Variants in ITPK1 observed in about 807,000 individuals in gnomAD.
ITPK1 encodes inositol 1,3,4-trisphosphate 5/6-kinase.
Under a neutral mutation model 45.3 loss-of-function variants are expected in ITPK1, and 21 were observed. That is an observed-to-expected ratio of 0.46 (90% confidence interval 0.33 to 0.67). The LOEUF is 0.67. ITPK1 is among the 30% of genes least tolerant of loss of function. ITPK1 has a pLI of 0.02. For missense variants in ITPK1, 474 were observed against 573.5 expected (o/e 0.83, Z 1.77); for synonymous variants, 258 against 253.6 (o/e 1.02, Z -0.16).
intron 7 of ITPK1, among the ~76,000 whole-genome samples, chr14:92,960,783 A>T (rs1885032051): frequency 6.6e-6 from 1 of 152,166 alleles, no homozygotes; most frequent in Non-Finnish European, 1.5e-5. Flanking sequence ...GGGCCTGGGG[A>T]CCAACGCTGC....
At position 93,064,325 on chromosome 14, in the gene ITPK1, A is replaced by C. The variant is rs148285920; in HGVS notation, c.120+12270T>G. On this transcript the variant is annotated intron_variant, in intron 3 of 10. Transcript: ENST00000267615. ...ATTTTCGTAGAGATGGGGTCTCACT[A>C]TGTCGCCCAGGCTGGTCTTGAACTC... 1.3e-3 allele frequency among the ~76,000 whole-genome samples: 203 copies of C among 152,238 alleles called. 6 individuals are homozygous for C. The East Asian group carries it at 0.034, about 25-fold the overall frequency.
chr14:93,037,709 C>G (rs112511206), intron 3 of ITPK1, among the ~76,000 whole-genome samples: 7 of 152,224 alleles, frequency 4.6e-5, no homozygotes, highest in African/African-American at 1.4e-4. Flanking sequence ...TCTAGGAACC[C>G]TTAACATGAC....
intron 2 of ITPK1, among the ~76,000 whole-genome samples, chr14:93,083,145 C>G (rs1311296917): frequency 6.6e-6 from 1 of 152,154 alleles, no homozygotes; most frequent in Non-Finnish European, 1.5e-5. Context: ...AGCAGAGACA[C>G]GTCCACGGCA....
In ITPK1 at chr14:93,001,296, A is replaced by AAAAC. The variant is rs139436466; in HGVS notation, c.247-7303_247-7300dup. Among the ~76,000 whole-genome samples, 215 of 151,012 alleles carry AAAAC rather than the reference A, an allele frequency of 1.4e-3. 6 individuals carry two copies. In the South Asian group the frequency reaches 0.039, roughly 27 times the overall value. On this transcript the variant is annotated intron_variant, in intron 4 of 10. Transcript: ENST00000267615. ...GACAGAGCAAGAATCTGTCTCAGGAAAAACAAACAAACAAACAAACAAACA... is the reference window on the plus strand; with the variant it reads ...GACAGAGCAAGAATCTGTCTCAGGAAAAACAAACAAACAAACAAACAAACAAACA...
chr14:92,946,446 G>A lies in ITPK1; in HGVS notation c.786C>T (p.Ile262=). The A allele has an allele frequency of 6.2e-7, 1 of 1,613,128 alleles. No homozygotes were observed. Among genetic ancestry groups the A allele is most frequent in the Admixed American group, 1.7e-5 (1 of 60,034 alleles). Residue 262 remains isoleucine (I), a synonymous_variant, in exon 10 of 11, where the codon ATC becomes ATT. Coordinates refer to ENST00000267615, the MANE Select transcript of ITPK1 (RefSeq NM_014216.6). Reference sequence around the variant, plus strand: ...GCCGCAGGGCCCGGGAGAGCTCCCGGATGACCTCGTCGCTCGGCCGCTCGA... The same window carrying A: ...GCCGCAGGGCCCGGGAGAGCTCCCGAATGACCTCGTCGCTCGGCCGCTCGA... ...GVFERPSDEV[I]RELSRALRQA...
chr14:93,051,091 C>A (rs1166887793), intron 3 of ITPK1, among the ~76,000 whole-genome samples: 1 of 152,112 alleles, frequency 6.6e-6, no homozygotes, highest in Non-Finnish European at 1.5e-5. Flanking sequence ...GACAAGGAAC[C>A]AATCAAACGG....
At chr14:93,022,570 T>C (rs571662504) in intron 3 of ITPK1, among the ~76,000 whole-genome samples, 15 of 151,606 alleles carry the variant, frequency 9.9e-5, no homozygotes, top group East Asian at 1.9e-4. Flanking sequence ...TGGAGTACAG[T>C]GGCATGATCT....
At chr14:93,007,839 G>C (rs956774800) in intron 4 of ITPK1, among the ~76,000 whole-genome samples, 1 of 152,232 alleles carries the variant, frequency 6.6e-6, no homozygotes, top group African/African-American at 2.4e-5. Context: ...TCTGACTGCT[G>C]CAATGGGCAG....
intron 5 of ITPK1, among the ~76,000 whole-genome samples, chr14:92,988,177 C>A (rs925048489): frequency 6.6e-6 from 1 of 152,230 alleles, no homozygotes; most frequent in Admixed American, 6.5e-5. Flanking sequence ...CTCCCTGGCA[C>A]CCTGTCCTCC....
At chr14:92,968,534 G>A (rs576807880) in intron 5 of ITPK1, among the ~76,000 whole-genome samples, 16 of 152,282 alleles carry the variant, frequency 1.1e-4, no homozygotes, top group African/African-American at 3.1e-4. Context: ...TGGGTCTGAG[G>A]TGAAGTCAGA....
At chr14:93,070,071 G>A (rs1595187657) in intron 3 of ITPK1, 2 of 152,372 alleles carry the variant, frequency 1.3e-5, no homozygotes, top group East Asian at 3.9e-4. Flanking sequence ...CACACTTACA[G>A]CTTGCTCATT....
chr14:92,966,089 C>T (rs766595186), intron 5 of ITPK1, among the ~76,000 whole-genome samples: 4 of 152,220 alleles, frequency 2.6e-5, no homozygotes, highest in Non-Finnish European at 4.4e-5. Flanking sequence ...GATCACAGCT[C>T]ACTGTAGCCT....
At chr14:92,957,026 C>T (rs1020704268) in intron 8 of ITPK1, among the ~76,000 whole-genome samples, 7 of 152,198 alleles carry the variant, frequency 4.6e-5, no homozygotes, top group Admixed American at 6.5e-5. Context: ...AAAGTATCCA[C>T]GCTCTGCATG....
intron 2 of ITPK1, among the ~76,000 whole-genome samples, chr14:93,086,539 C>T (rs1891656831): frequency 6.6e-6 from 1 of 152,226 alleles, no homozygotes; most frequent in Admixed American, 6.5e-5. Flanking sequence ...AGAGGGGGAC[C>T]CCAGACCGCA....
rs568260402 is a variant in ITPK1 at position 93,105,629 on chromosome 14, CT to C, written c.95+9439del. Among the ~76,000 whole-genome samples the C allele has an allele frequency of 1.1e-4, 17 of 150,118 alleles. No homozygotes were observed. The South Asian group carries it at 3.6e-3, about 32-fold the overall frequency. On this transcript the variant is annotated intron_variant, in intron 2 of 10. Coordinates refer to ENST00000267615, the MANE Select transcript of ITPK1 (RefSeq NM_014216.6). ...CTCCGCCTCCTGAGTTCAAGCGATT[CT>C]CCCACCTCAGCCTGCCGAGTAGTAG...
Position 93,114,993 on chromosome 14 carries a change from C to T in ITPK1, c.95+76G>A, listed in dbSNP as rs923290609. 32 of 797,876 alleles carry T rather than the reference C, an allele frequency of 4.0e-5. No homozygotes were observed. The Middle Eastern group carries it at 9.6e-4, about 24-fold the overall frequency. The allele number at this position is 797,876 out of a possible 1,614,324, so 49.4% of individuals were successfully genotyped here. A position where few individuals can be genotyped will look rare whatever the true frequency, so the allele number is the denominator to read the frequency against. On this transcript the variant is annotated intron_variant, in intron 2 of 10. Transcript: ENST00000267615. ...CGATCTCCCAAAACAACTAATGAGGCTGCACCGGGCTCGGGCCGGGGGTCA... is the reference window on the plus strand; with the variant it reads ...CGATCTCCCAAAACAACTAATGAGGTTGCACCGGGCTCGGGCCGGGGGTCA...
intron 7 of ITPK1, among the ~76,000 whole-genome samples, chr14:92,960,412 A>G (rs897424074): frequency 2.0e-5 from 3 of 152,114 alleles, no homozygotes; most frequent in African/African-American, 7.2e-5. Flanking sequence ...CCAACAGTCC[A>G]CCCAGGCAAC....
rs982548054 is a variant in ITPK1, at chr14:92,940,073, C to G, written c.*1488G>C. The G allele has an allele frequency of 1.0e-6, 1 of 985,842 alleles. No homozygotes were observed. The highest frequency in any genetic ancestry group is 1.2e-6 in the Non-Finnish European group (1 of 830,026). The allele number at this position is 985,842 out of a possible 1,614,324, so 61.1% of individuals were successfully genotyped here. On this transcript the variant is annotated 3_prime_UTR_variant, in exon 11 of 11. Transcript: ENST00000267615. ...AGTTCTGATGGCCTCTGCCCCTCGC[C>G]CAAGCCCTGTGCCTCCCTCCTCAAA... is the stretch of plus-strand genomic sequence containing the variant.
At position 93,012,891 on chromosome 14, in the gene ITPK1, C is replaced by A. The variant is rs1887983524; in HGVS notation, c.246+3785G>T. ...CCCATGGATCACAATCACAGCACCC[C>A]TTCAGGGGCAATTCCAGGGCTAGAA... On this transcript the variant is annotated intron_variant, in intron 4 of 10. Coordinates refer to ENST00000267615, the MANE Select transcript of ITPK1 (RefSeq NM_014216.6). This position sits in a 1 kb window ranked among gnomAD's most constrained non-coding sequence, Gnocchi z 4.9. 6.6e-6 allele frequency among the ~76,000 whole-genome samples: 1 copy of A among 152,232 alleles called. No individual in the cohort carries two copies. Among genetic ancestry groups the A allele is most frequent in the Non-Finnish European group, 1.5e-5 (1 of 68,042 alleles).
Sources: allele counts gnomAD v4.1 joint callset (sites outside exome capture counted in the v4.1 genomes callset), GRCh38; gene constraint gnomAD v4.1.1; non-coding constraint Gnocchi (gnomAD v3.1); transcripts MANE v1.5; gene names NCBI Gene and HGNC (gene_info 2026-07-23, HGNC 2026-07-21).